DNAJC16: variants seen among roughly 807,000 people sequenced by gnomAD.
DNAJC16 encodes dnaJ homolog subfamily C member 16.
In DNAJC16, 76 loss-of-function variants were observed where a neutral mutation model predicts 92.7. That is an observed-to-expected ratio of 0.82 (90% CI 0.68 to 0.99). DNAJC16 has a LOEUF of 0.99. DNAJC16 is among the 50% of genes least tolerant of loss of function. The probability of loss-of-function intolerance (pLI) is 0.00; values close to 1 mark genes in which losing one functional copy is unlikely to be tolerated. For synonymous variants in DNAJC16, 328 were observed against 358.7 expected (o/e 0.91, Z 0.97); for missense variants, 869 against 942.4 (o/e 0.92, Z 1.02).
chr1:15,552,311 C>A (rs1638462757), intron 7 of DNAJC16, among the ~76,000 whole-genome samples: 1 of 151,748 alleles, frequency 6.6e-6, no homozygotes, highest in Admixed American at 6.6e-5. Flanking sequence ...TATGGTGAAA[C>A]CCTGTTTCTA....
intron 9 of DNAJC16, among the ~76,000 whole-genome samples, chr1:15,563,663 TA>T (rs57751838): frequency 0.014 from 764 of 53,204 alleles, 22 homozygotes; most frequent in African/African-American, 0.045. Flanking sequence ...CCATCTCTAC[TA>T]AAAAAAAAAA....
Position 15,568,192 on chromosome 1 carries a change from GAGATTTGA to G in DNAJC16, c.*17_*24del. On this transcript the variant is annotated 3_prime_UTR_variant, in exon 15 of 15. Transcript: ENST00000375847. Reference sequence around the variant, plus strand: ...AACTAGACTGAGAGGATTTTCCAAAGAGATTTGAACTCTTCAGACTTTTTAACATGCCC... The same window carrying G: ...AACTAGACTGAGAGGATTTTCCAAAGACTCTTCAGACTTTTTAACATGCCC... The G allele has an allele frequency of 6.3e-7, 1 of 1,588,906 alleles. No individual in the cohort carries two copies. The highest frequency in any genetic ancestry group is 8.6e-7 in the Non-Finnish European group (1 of 1,167,528).
intron 4 of DNAJC16, 96 bp downstream of exon 4, chr1:15,536,910 G>GC: frequency 9.0e-7 from 1 of 1,112,210 alleles, no homozygotes; most frequent in South Asian, 1.7e-5. Context: ...GAGTACAGTG[G>GC]TGTGATCTCG....
chr1:15,531,323 T>C (rs1311929220), intron 2 of DNAJC16, among the ~76,000 whole-genome samples: 1 of 152,164 alleles, frequency 6.6e-6, no homozygotes, highest in Non-Finnish European at 1.5e-5. Flanking sequence ...TCATTGAAAA[T>C]ATATTTTTAA....
chr1:15,529,387 C>T (rs1184106081), intron 2 of DNAJC16, 115 bp downstream of exon 2: 4 of 1,071,860 alleles, frequency 3.7e-6, no homozygotes, highest in Non-Finnish European at 5.1e-6. Flanking sequence ...ATATATATAT[C>T]TGTCTAAAAT....
chr1:15,541,752 A>G (rs1710936226), intron 4 of DNAJC16, among the ~76,000 whole-genome samples: 1 of 150,372 alleles, frequency 6.7e-6, no homozygotes, highest in Non-Finnish European at 1.5e-5. Flanking sequence ...CATTCCTTAT[A>G]ATGTTAAGAA....
At position 15,528,249 on chromosome 1, in the gene DNAJC16, A is replaced by G. The variant is rs558575902; in HGVS notation, c.-18-839A>G. On this transcript the variant is annotated intron_variant, in intron 1 of 14. Transcript: ENST00000375847. ...GGAGTTCAAAACCAGCCTGGCCAAC[A>G]TGGTGAAACCCTGTCTCTACTAAAA... Among the ~76,000 whole-genome samples, 6 of 152,308 alleles carry G rather than the reference A, an allele frequency of 3.9e-5. No individual in the cohort carries two copies. In the East Asian group the frequency reaches 1.2e-3, roughly 29 times the overall value.
chr1:15,531,582 G>A (rs1367519263), intron 2 of DNAJC16, among the ~76,000 whole-genome samples: 2 of 152,216 alleles, frequency 1.3e-5, no homozygotes, highest in Non-Finnish European at 2.9e-5. Flanking sequence ...GACAGCTTGA[G>A]TATGTGGGAC....
Position 15,568,230 on chromosome 1 carries a change from G to T in DNAJC16, c.*53G>T. 6.8e-7 allele frequency: 1 copy of T among 1,472,016 alleles called. No individual in the cohort carries two copies. The highest frequency in any genetic ancestry group is 1.4e-5 in the African/African-American group (1 of 71,064). 91.2% of individuals were successfully genotyped at this position (1,472,016 alleles called of 1,614,324 possible). The stretch of plus-strand genomic sequence containing the variant: ...TTCAGACTTTTTAACATGCCCCTGT[G>T]AACAGGTATTTTCAGGACTCAAACT... On this transcript the variant is annotated 3_prime_UTR_variant, in exon 15 of 15. Coordinates refer to ENST00000375847, the MANE Select transcript of DNAJC16 (RefSeq NM_015291.4).
chr1:15,534,311 G>T lies in DNAJC16; in HGVS notation c.234+8G>T, dbSNP rs1356835997. ...ATCAGTAAGGCTTACGAGGTATCGT[G>T]TCCAGCTTTGTGATGCATCCATTAG... is the stretch of plus-strand genomic sequence containing the variant. On this transcript the variant is annotated splice_region_variant and intron_variant, in intron 3 of 14. Coordinates refer to ENST00000375847, the MANE Select transcript of DNAJC16 (RefSeq NM_015291.4). 1 of 1,613,548 alleles carries T rather than the reference G, an allele frequency of 6.2e-7. No individual in the cohort carries two copies.
At position 15,568,563 on chromosome 1, in the gene DNAJC16, C is replaced by T. The variant is rs1443573326; in HGVS notation, c.*386C>T. 2 of 414,200 alleles carry T rather than the reference C, an allele frequency of 4.8e-6. No homozygotes were observed. Among genetic ancestry groups the T allele is most frequent in the Non-Finnish European group, 8.5e-6 (2 of 235,098 alleles). 25.7% of individuals were successfully genotyped at this position (414,200 alleles called of 1,614,324 possible). On this transcript the variant is annotated 3_prime_UTR_variant, in exon 15 of 15. Transcript: ENST00000375847. Reference sequence around the variant, plus strand: ...GGCGGACCCTCATGAGCCTGTCGTGCAGGCCAGGTCATTGGCCCCTTCCCC... The same window carrying T: ...GGCGGACCCTCATGAGCCTGTCGTGTAGGCCAGGTCATTGGCCCCTTCCCC...
chr1:15,542,033 C>T (rs1037550748), intron 4 of DNAJC16: 4 of 152,142 alleles, frequency 2.6e-5, no homozygotes, highest in Non-Finnish European at 5.9e-5. Flanking sequence ...AGCTGGTCAC[C>T]AGAAAAAACA....
intron 11 of DNAJC16, 91 bp downstream of exon 11, chr1:15,564,450 C>T (rs2103427639): frequency 2.2e-6 from 2 of 898,250 alleles, no homozygotes; most frequent in South Asian, 1.4e-5. Context: ...TATTAAATTT[C>T]AAGGTACACT....
At chr1:15,531,223 A>G (rs1000806132) in intron 2 of DNAJC16, among the ~76,000 whole-genome samples, 4 of 151,724 alleles carry the variant, frequency 2.6e-5, no homozygotes, top group African/African-American at 9.8e-5. Flanking sequence ...GATGCATGGT[A>G]CAGACTGCAT....
chr1:15,561,946 C>T (rs1638701438), intron 8 of DNAJC16, among the ~76,000 whole-genome samples, 196 bp from the exon 9 acceptor site: 1 of 152,026 alleles, frequency 6.6e-6, no homozygotes, highest in Non-Finnish European at 1.5e-5. Flanking sequence ...TTGGGAAAAA[C>T]ATCACAGATT....
chr1:15,559,687 T>C, intron 8 of DNAJC16, 31 bp downstream of exon 8: 1 of 1,609,776 alleles, frequency 6.2e-7, no homozygotes, highest in South Asian at 1.1e-5. Flanking sequence ...CTCTGCTTGT[T>C]ATTACAATAG....
At chr1:15,530,687 CA>C (rs1300937246) in intron 2 of DNAJC16, among the ~76,000 whole-genome samples, 2 of 152,034 alleles carry the variant, frequency 1.3e-5, no homozygotes. Flanking sequence ...AGGAGGATAT[CA>C]GTATCTCTTT....
At chr1:15,562,084 T>G in intron 8 of DNAJC16, 58 bp from the exon 9 acceptor site, 1 of 1,532,112 alleles carries the variant, frequency 6.5e-7, no homozygotes, top group Non-Finnish European at 8.9e-7. Context: ...CTTGCCATTA[T>G]AGGTGCTGGC....
At chr1:15,534,331 C>T (rs959368801) in intron 3 of DNAJC16, 28 bp downstream of exon 3, 2 of 1,609,170 alleles carry the variant, frequency 1.2e-6, no homozygotes, top group Admixed American at 1.7e-5. Flanking sequence ...GTGATGCATC[C>T]ATTAGCTCTT....
Sources: allele counts gnomAD v4.1 joint callset (sites outside exome capture counted in the v4.1 genomes callset), GRCh38; gene constraint gnomAD v4.1.1; transcripts MANE v1.5; gene names NCBI Gene and HGNC (gene_info 2026-07-23, HGNC 2026-07-21).